KCNQ3: variants seen among roughly 807,000 people sequenced by gnomAD.
KCNQ3 encodes potassium voltage-gated channel subfamily Q member 3, also known as potassium voltage-gated channel subfamily KQT member 3.
A neutral mutation model predicts 92.5 loss-of-function variants in KCNQ3; 30 were observed. The observed-to-expected ratio is 0.32, with a 90% CI of 0.24 to 0.44. The LOEUF is 0.44. Ranked by LOEUF, KCNQ3 falls within the 20% of genes least tolerant of loss-of-function variation. The pLI, the probability that KCNQ3 is intolerant of heterozygous loss-of-function variation, is 1.00. For synonymous variants in KCNQ3, 450 were observed against 468.8 expected (o/e 0.96, Z 0.52); for missense variants, 913 against 1,140.3 (o/e 0.80, Z 2.87).
At chr8:132,448,735 C>A (rs1250484934) in intron 1 of KCNQ3, among the ~76,000 whole-genome samples, 1 of 152,186 alleles carries the variant, frequency 6.6e-6, no homozygotes, top group East Asian at 1.9e-4. Flanking sequence ...AAAAATATCT[C>A]CCAAACTTCC....
At chr8:132,250,800 T>C (rs1362370789) in intron 1 of KCNQ3, among the ~76,000 whole-genome samples, 1 of 152,128 alleles carries the variant, frequency 6.6e-6, no homozygotes, top group Non-Finnish European at 1.5e-5. Context: ...ATGGCTGCCC[T>C]TAAGGTACTC....
intron 1 of KCNQ3, among the ~76,000 whole-genome samples, chr8:132,435,354 C>T (rs746135488): frequency 9.9e-5 from 15 of 152,180 alleles, no homozygotes; most frequent in Non-Finnish European, 1.8e-4. Flanking sequence ...AAGCTCAGAG[C>T]CACCGTGCCA....
chr8:132,170,659 G>T (rs1826304362), intron 7 of KCNQ3, among the ~76,000 whole-genome samples: 1 of 152,122 alleles, frequency 6.6e-6, no homozygotes, highest in Non-Finnish European at 1.5e-5. Flanking sequence ...TGGGGGAATG[G>T]AGAGATGAAC....
intron 1 of KCNQ3, among the ~76,000 whole-genome samples, chr8:132,435,213 GTTTTA>G (rs1037270699): frequency 5.3e-5 from 8 of 152,258 alleles, no homozygotes; most frequent in African/African-American, 1.9e-4. Flanking sequence ...TATTCTCTTT[GTTTTA>G]TTTTATTTGA....
chr8:132,148,828 G>C (rs747849), intron 9 of KCNQ3, among the ~76,000 whole-genome samples: 28 of 152,048 alleles, frequency 1.8e-4, no homozygotes, highest in South Asian at 8.3e-4. Flanking sequence ...ACACCATTTG[G>C]GCTCATGGTT....
At chr8:132,196,453 A>C (rs764303392) in intron 1 of KCNQ3, among the ~76,000 whole-genome samples, 1 of 152,204 alleles carries the variant, frequency 6.6e-6, no homozygotes, top group Non-Finnish European at 1.5e-5. Context: ...TGGGCATTCA[A>C]TGATGAACAG....
At chr8:132,139,186 T>TAAAAG (rs1825206738) in intron 11 of KCNQ3, among the ~76,000 whole-genome samples, 1 of 152,296 alleles carries the variant, frequency 6.6e-6, no homozygotes, top group Admixed American at 6.5e-5. Context: ...ATGAAAATGC[T>TAAAAG]AAAAGAAGAG....
intron 1 of KCNQ3, among the ~76,000 whole-genome samples, chr8:132,382,091 A>C (rs1006661740): frequency 7.2e-5 from 11 of 152,286 alleles, no homozygotes; most frequent in African/African-American, 2.4e-4. Flanking sequence ...GCCAGAAGGC[A>C]TACTGTAATA....
rs570703043 is a variant in KCNQ3 at position 132,172,673 on chromosome 8, C to T, written c.1065G>A (p.Leu355=). Residue 355 remains leucine, a synonymous_variant, in exon 7 of 15, where the codon CTG becomes CTA. Transcript: ENST00000388996. ...GGTGTTGCTCCTGCACCTTGAGGGC[C>T]AGCCCGGACCCCAGGATGCCCTGGA... ...ALPAGILGSG[L]ALKVQEQHRQ... is the part of the protein sequence containing the mutation. 2 of 1,613,726 alleles carry T rather than the reference C, an allele frequency of 1.2e-6. No homozygotes were observed. Among genetic ancestry groups the T allele is most frequent in the African/African-American group, 2.7e-5 (2 of 75,058 alleles).
intron 1 of KCNQ3, among the ~76,000 whole-genome samples, chr8:132,341,710 G>C (rs915716801): frequency 3.9e-5 from 6 of 152,206 alleles, no homozygotes; most frequent in Non-Finnish European, 1.5e-5. Context: ...AACTTGAAGA[G>C]GTTAAGGGTC....
In KCNQ3 at chr8:132,170,350, A is replaced by G; in HGVS notation, c.1219T>C (p.Ser407Pro). ...CCCACTTGCCTGAAGAAAGGAAAAG[A>G]GACGACTGATTCATAAAATCTCCAT... ...ATWRFYESVVSFPFFRKEQLE... is the reference protein window; with the variant it reads ...ATWRFYESVVPFPFFRKEQLE... The change falls in exon 8 of 15, where the codon TCT becomes CCT. Residue 407 changes from serine (S) to proline (P), a missense_variant. Physicochemically the swap from Ser to Pro is moderately conservative, Grantham distance 74 (BLOSUM62 -1). This residue lies in a region of KCNQ3 where 182 missense variants were observed against 234.5 expected (regional missense o/e 0.78). Transcript: ENST00000388996. 2.5e-6 allele frequency: 4 copies of G among 1,613,772 alleles called. No individual in the cohort carries two copies. The highest frequency in any genetic ancestry group is 3.4e-6 in the Non-Finnish European group (4 of 1,179,754).
At chr8:132,475,900 C>T (rs1027655209) in intron 1 of KCNQ3, among the ~76,000 whole-genome samples, 4 of 152,238 alleles carry the variant, frequency 2.6e-5, no homozygotes, top group African/African-American at 9.6e-5. Context: ...CCCCTCCAAT[C>T]ACAGGCCCAG....
intron 1 of KCNQ3, among the ~76,000 whole-genome samples, chr8:132,218,601 C>A (rs1173236327): frequency 1.3e-5 from 2 of 152,146 alleles, no homozygotes; most frequent in African/African-American, 4.8e-5. Flanking sequence ...CCCCATTTTA[C>A]AGGTGAGAAA....
At chr8:132,146,275 G>C (rs1825443906) in intron 9 of KCNQ3, among the ~76,000 whole-genome samples, 1 of 152,164 alleles carries the variant, frequency 6.6e-6, no homozygotes, top group African/African-American at 2.4e-5. Flanking sequence ...AAAAATGAAT[G>C]GACATACAAC....
intron 1 of KCNQ3, among the ~76,000 whole-genome samples, chr8:132,475,401 G>C (rs1822388495): frequency 6.6e-6 from 1 of 152,172 alleles, no homozygotes; most frequent in Non-Finnish European, 1.5e-5. Flanking sequence ...GAATGGTTTT[G>C]ACCAAAATGC....
At chr8:132,291,393 C>A (rs753254226) in intron 1 of KCNQ3, among the ~76,000 whole-genome samples, 1 of 152,120 alleles carries the variant, frequency 6.6e-6, no homozygotes, top group Non-Finnish European at 1.5e-5. Context: ...GTGAAATATA[C>A]CCAGGCCTGC....
At chr8:132,220,914 C>A (rs1814206084) in intron 1 of KCNQ3, among the ~76,000 whole-genome samples, 1 of 151,748 alleles carries the variant, frequency 6.6e-6, no homozygotes, top group African/African-American at 2.4e-5. Flanking sequence ...TTTGCTGCAC[C>A]CATTAACTCA....
At chr8:132,479,628 GAC>G (rs71306386) in intron 1 of KCNQ3, among the ~76,000 whole-genome samples, 38,253 of 143,840 alleles carry the variant, frequency 0.27, 4,678 homozygotes, top group South Asian at 0.3. Context: ...ACAAGCAAGC[GAC>G]ACACACACAC....
chr8:132,472,811 C>T lies in KCNQ3; in HGVS notation c.386+7336G>A, dbSNP rs138225985. Among the ~76,000 whole-genome samples the T allele has an allele frequency of 3.8e-3, 582 of 152,228 alleles. 4 individuals carry two copies. Among genetic ancestry groups the T allele is most frequent in the African/African-American group, 0.013 (554 of 41,540 alleles). ...TGATAAATACTCCAGGTGACAGATGCCCCAAACACCTTGACTTCATTGTTA... is the reference window on the plus strand; with the variant it reads ...TGATAAATACTCCAGGTGACAGATGTCCCAAACACCTTGACTTCATTGTTA... On this transcript the variant is annotated intron_variant, in intron 1 of 14. Transcript: ENST00000388996.
Sources: gnomAD v4.1 joint callset for allele counts (sites outside exome capture counted in the v4.1 genomes callset) on GRCh38, gnomAD v4.1.1 for gene constraint, gnomAD v4.1.1 regional missense constraint, MANE v1.5 for transcripts, NCBI Gene and HGNC (gene_info 2026-07-23, HGNC 2026-07-21) for gene names.